Variants in NTM observed in about 807,000 individuals in gnomAD.
The protein encoded by NTM is IgLON family member 2.
Under a neutral mutation model 42.1 loss-of-function variants are expected in NTM, and 13 were observed. The ratio of observed to expected loss-of-function variants is 0.31; its 90% confidence interval spans 0.20 to 0.49. The LOEUF (loss-of-function observed/expected upper bound fraction) is 0.49. NTM is among the 20% of genes least tolerant of loss of function. NTM has a pLI of 0.99. For synonymous variants in NTM, 187 were observed against 179.2 expected (o/e 1.04, Z -0.35); for missense variants, 373 against 452.8 (o/e 0.82, Z 1.60).
At chr11:131,973,046 C>T (rs966783646) in intron 2 of NTM, among the ~76,000 whole-genome samples, 3 of 152,174 alleles carry the variant, frequency 2.0e-5, no homozygotes, top group Non-Finnish European at 2.9e-5. Context: ...AGAAAAGATT[C>T]GTTCTTTAGG....
intron 1 of NTM, among the ~76,000 whole-genome samples, chr11:131,530,874 A>T (rs962492593): frequency 6.6e-6 from 1 of 152,238 alleles, no homozygotes; most frequent in East Asian, 1.9e-4. Flanking sequence ...TACGGAGGCA[A>T]TTAAGGAAGA....
intron 4 of NTM, among the ~76,000 whole-genome samples, chr11:132,244,242 A>G (rs962672221): frequency 1.3e-5 from 2 of 152,180 alleles, no homozygotes; most frequent in African/African-American, 2.4e-5. Context: ...GGCTGTGGCC[A>G]CATATGTGTG....
At chr11:132,168,272 A>G (rs2075591266) in intron 3 of NTM, among the ~76,000 whole-genome samples, 1 of 152,188 alleles carries the variant, frequency 6.6e-6, no homozygotes, top group Non-Finnish European at 1.5e-5. Flanking sequence ...TCCTAGGCCC[A>G]TTCTTTTCCT....
intron 2 of NTM, among the ~76,000 whole-genome samples, chr11:132,103,883 C>G (rs1178658196): frequency 6.6e-6 from 1 of 152,198 alleles, no homozygotes; most frequent in African/African-American, 2.4e-5. Context: ...TGGGCAAATG[C>G]CTGTCCTCTC....
chr11:132,168,109 G>A (rs1367960474), intron 3 of NTM, among the ~76,000 whole-genome samples: 3 of 152,156 alleles, frequency 2.0e-5, no homozygotes, highest in Admixed American at 2.0e-4. Context: ...TTAATCAGTT[G>A]GTGGCAATTG....
chr11:132,120,803 G>A (rs2064679270), intron 2 of NTM, among the ~76,000 whole-genome samples: 1 of 152,124 alleles, frequency 6.6e-6, no homozygotes, highest in African/African-American at 2.4e-5. Context: ...GGAATCTACT[G>A]TACAGTTTAT....
At chr11:131,830,240 C>G (rs149949539) in intron 1 of NTM, among the ~76,000 whole-genome samples, 1 of 151,828 alleles carries the variant, frequency 6.6e-6, no homozygotes, top group East Asian at 2.0e-4. Context: ...GTAGTTCTTT[C>G]CCAAGGCTGA....
At chr11:132,142,516 A>G (rs1009062970) in intron 2 of NTM, among the ~76,000 whole-genome samples, 2 of 152,130 alleles carry the variant, frequency 1.3e-5, no homozygotes, top group Non-Finnish European at 2.9e-5. Context: ...CCGAGGAGCG[A>G]TGTGTCCTCT....
chr11:132,041,872 G>T (rs2077251924), intron 2 of NTM, among the ~76,000 whole-genome samples: 1 of 152,184 alleles, frequency 6.6e-6, no homozygotes, highest in South Asian at 2.1e-4. Flanking sequence ...GTAAAATGGG[G>T]AGAATACCTG....
At chr11:131,827,694 A>G (rs1864122440) in intron 1 of NTM, among the ~76,000 whole-genome samples, 1 of 152,180 alleles carries the variant, frequency 6.6e-6, no homozygotes. Flanking sequence ...AGAGAAAACA[A>G]AAGTCTATAT....
intron 1 of NTM, chr11:131,795,949 T>C: frequency 1.0e-6 from 1 of 981,764 alleles, no homozygotes; most frequent in Non-Finnish European, 1.2e-6. Context: ...TGGAAGTGGT[T>C]AGGATATTCC....
intron 2 of NTM, among the ~76,000 whole-genome samples, chr11:132,054,647 G>C (rs1624506): frequency 0.66 from 100,434 of 152,106 alleles, 34,981 homozygotes; most frequent in African/African-American, 0.89. Flanking sequence ...ATTCCATATT[G>C]TAAATATAGA....
At chr11:131,779,976 T>C (rs1185942273) in intron 1 of NTM, among the ~76,000 whole-genome samples, 1 of 152,092 alleles carries the variant, frequency 6.6e-6, no homozygotes, top group Non-Finnish European at 1.5e-5. Flanking sequence ...AGAATCTCAG[T>C]CCCACCCACT....
intron 1 of NTM, among the ~76,000 whole-genome samples, chr11:131,480,882 C>T (rs369990262): frequency 2.6e-5 from 4 of 151,942 alleles, no homozygotes; most frequent in Non-Finnish European, 4.4e-5. Context: ...TATATTCTGT[C>T]GGTGAAAAAT....
chr11:131,522,569 C>T (rs2049901121), intron 1 of NTM, among the ~76,000 whole-genome samples: 2 of 152,142 alleles, frequency 1.3e-5, no homozygotes, highest in Admixed American at 6.5e-5. Flanking sequence ...GGAAACAGAC[C>T]TATTTGAGCT....
At chr11:131,670,378 CCTTT>C (rs1164188044) in intron 1 of NTM, among the ~76,000 whole-genome samples, 2 of 150,852 alleles carry the variant, frequency 1.3e-5, no homozygotes, top group East Asian at 1.9e-4. Flanking sequence ...TTCCTTCCTT[CCTTT>C]CTTTCTTTTT....
intron 1 of NTM, among the ~76,000 whole-genome samples, chr11:131,577,020 T>A (rs995157344): frequency 4.6e-5 from 7 of 152,246 alleles, no homozygotes; most frequent in African/African-American, 1.7e-4. Flanking sequence ...AGTCATGTGG[T>A]ATACAGGCAC....
rs71067335 is a variant in NTM, at chr11:131,789,545, GAAA to G, written c.83-122017_83-122015del. On this transcript the variant is annotated intron_variant, in intron 1 of 8. Transcript: ENST00000683400. ...AGAAGAAGAAGAAGAAGAAGAAGAA[GAAA>G]AGAAGAAGAAGAAGAAGAAGAAGAA... 2.0e-3 allele frequency among the ~76,000 whole-genome samples: 10 copies of G among 5,124 alleles called. 2 individuals are homozygous for G. The highest frequency in any genetic ancestry group is 2.4e-3 in the Non-Finnish European group (7 of 2,976). 3.4% of individuals were successfully genotyped at this position (5,124 alleles called of 152,430 possible).
chr11:132,315,908 G>A (rs1450319183), intron 7 of NTM, among the ~76,000 whole-genome samples: 1 of 152,152 alleles, frequency 6.6e-6, no homozygotes, highest in Non-Finnish European at 1.5e-5. Context: ...ACACAGGGAT[G>A]ATCATAAGAG....
Sources: allele counts gnomAD v4.1 joint callset (sites outside exome capture counted in the v4.1 genomes callset), GRCh38; gene constraint gnomAD v4.1.1; transcripts MANE v1.5; gene names NCBI Gene and HGNC (gene_info 2026-07-23, HGNC 2026-07-21).